The following STK17A variants were observed in gnomAD, a reference collection of about 807,000 sequenced individuals.
The protein encoded by STK17A is serine/threonine kinase 17a.
In STK17A, 26 loss-of-function variants were observed where a neutral mutation model predicts 43.7. The ratio of observed to expected loss-of-function variants is 0.60; its 90% CI spans 0.44 to 0.83. The LOEUF (loss-of-function observed/expected upper bound fraction) is 0.83. STK17A is among the 40% of genes least tolerant of loss of function. The pLI, the probability that STK17A is intolerant of heterozygous loss-of-function variation, is 0.00. For synonymous variants in STK17A, 191 were observed against 182.5 expected (o/e 1.05, Z -0.38); for missense variants, 476 against 511.6 (o/e 0.93, Z 0.67).
chr7:43,607,214 T>G (rs1027484481), intron 2 of STK17A, among the ~76,000 whole-genome samples: 3 of 152,046 alleles, frequency 2.0e-5, no homozygotes, highest in African/African-American at 7.2e-5. Context: ...TGAGCCACTG[T>G]GCCCAGCCTC....
chr7:43,621,240 G>T (rs1283281366), intron 4 of STK17A, among the ~76,000 whole-genome samples: 1 of 152,124 alleles, frequency 6.6e-6, no homozygotes, highest in Non-Finnish European at 1.5e-5. Flanking sequence ...ATTTTAATGG[G>T]CCAGAATACT....
chr7:43,598,846 C>G (rs920497878), intron 2 of STK17A, among the ~76,000 whole-genome samples: 5 of 151,440 alleles, frequency 3.3e-5, no homozygotes, highest in African/African-American at 1.2e-4. Context: ...TCACCGCAAC[C>G]TCTGCCTCCC....
At chr7:43,592,261 T>C (rs762471102) in intron 1 of STK17A, among the ~76,000 whole-genome samples, 2 of 151,574 alleles carry the variant, frequency 1.3e-5, no homozygotes, top group Non-Finnish European at 3.0e-5. Flanking sequence ...AAGGTATTAA[T>C]TACTCTTTGA....
At chr7:43,600,246 A>G (rs565836011) in intron 2 of STK17A, among the ~76,000 whole-genome samples, 1 of 152,284 alleles carries the variant, frequency 6.6e-6, no homozygotes, top group African/African-American at 2.4e-5. Context: ...AGATGCACCT[A>G]CCATGATGCA....
At chr7:43,591,761 T>A (rs927410453) in intron 1 of STK17A, among the ~76,000 whole-genome samples, 1 of 151,498 alleles carries the variant, frequency 6.6e-6, no homozygotes, top group Non-Finnish European at 1.5e-5. Flanking sequence ...GCAATGTGTG[T>A]GAGTCCGTGT....
intron 3 of STK17A, among the ~76,000 whole-genome samples, chr7:43,610,346 CAAA>C (rs138859141): frequency 0.23 from 8,878 of 39,088 alleles, 135 homozygotes; most frequent in Non-Finnish European, 0.3. Context: ...GACTCCGTCT[CAAA>C]AAAAAAAAAA....
intron 1 of STK17A, among the ~76,000 whole-genome samples, chr7:43,588,548 G>A (rs968230009): frequency 1.5e-4 from 23 of 151,446 alleles, no homozygotes; most frequent in Non-Finnish European, 4.4e-5. Context: ...TTTCCTGAAT[G>A]GAACTTCTTT....
intron 4 of STK17A, among the ~76,000 whole-genome samples, chr7:43,621,070 A>C (rs2083839122): frequency 6.6e-6 from 1 of 152,214 alleles, no homozygotes; most frequent in Non-Finnish European, 1.5e-5. Context: ...AGCTATCCGG[A>C]GCACAGAAAG....
chr7:43,608,596 G>C (rs939134060), intron 3 of STK17A, 196 bp downstream of exon 3: 1 of 500,944 alleles, frequency 2.0e-6, no homozygotes, highest in Non-Finnish European at 3.4e-6. Flanking sequence ...TACATGGAAA[G>C]ATACAAAATA....
chr7:43,589,102 G>A (rs2082462590), intron 1 of STK17A, among the ~76,000 whole-genome samples: 1 of 151,538 alleles, frequency 6.6e-6, no homozygotes, highest in East Asian at 1.9e-4. Flanking sequence ...ATTCAGTGAA[G>A]AGAGAATGGC....
At chr7:43,619,849 C>T (rs2083698220) in intron 4 of STK17A, 126 bp downstream of exon 4, 1 of 1,271,726 alleles carries the variant, frequency 7.9e-7, no homozygotes, top group Non-Finnish European at 1.1e-6. Flanking sequence ...CATCAGAGAT[C>T]TATTCCTTTG....
At chr7:43,597,180 A>G (rs2082522011) in intron 2 of STK17A, among the ~76,000 whole-genome samples, 1 of 152,180 alleles carries the variant, frequency 6.6e-6, no homozygotes, top group African/African-American at 2.4e-5. Flanking sequence ...CCCAGTTTAC[A>G]AAGGGTTTGG....
intron 2 of STK17A, 91 bp downstream of exon 2, chr7:43,596,204 G>C: frequency 1.7e-6 from 2 of 1,191,246 alleles, no homozygotes; most frequent in Non-Finnish European, 2.3e-6. Context: ...TGCCAGGCCT[G>C]GTTCTCTGGA....
At chr7:43,591,124 A>G (rs2082475974) in intron 1 of STK17A, among the ~76,000 whole-genome samples, 1 of 151,526 alleles carries the variant, frequency 6.6e-6, no homozygotes, top group Non-Finnish European at 1.5e-5. Flanking sequence ...ACCTGCTGTC[A>G]TAATGTCAGT....
intron 3 of STK17A, among the ~76,000 whole-genome samples, chr7:43,610,189 A>G (rs1243021715): frequency 6.6e-6 from 1 of 151,980 alleles, no homozygotes; most frequent in Non-Finnish European, 1.5e-5. Context: ...TAGTAAAAAT[A>G]CAAAAAAATT....
chr7:43,614,105 AC>A (rs2083124484), intron 3 of STK17A, among the ~76,000 whole-genome samples: 1 of 152,192 alleles, frequency 6.6e-6, no homozygotes, highest in African/African-American at 2.4e-5. Context: ...CCTGCCCATG[AC>A]ACCCTAAGCC....
At chr7:43,621,197 A>G (rs2083850366) in intron 4 of STK17A, among the ~76,000 whole-genome samples, 1 of 152,254 alleles carries the variant, frequency 6.6e-6, no homozygotes, top group African/African-American at 2.4e-5. Context: ...AAGATGCCAC[A>G]GGCACAGAAA....
chr7:43,616,537 CG>C (rs1237964069), intron 3 of STK17A, among the ~76,000 whole-genome samples: 1 of 152,102 alleles, frequency 6.6e-6, no homozygotes, highest in Non-Finnish European at 1.5e-5. Context: ...GATAAACCTA[CG>C]GGCATTTTCA....
chr7:43,590,758 T>C (rs1241333496), intron 1 of STK17A, among the ~76,000 whole-genome samples: 1 of 151,360 alleles, frequency 6.6e-6, no homozygotes, highest in African/African-American at 2.4e-5. Flanking sequence ...TGGCCCATAA[T>C]GTCAGGGAAA....
Sources: allele counts gnomAD v4.1 joint callset (sites outside exome capture counted in the v4.1 genomes callset), GRCh38; gene constraint gnomAD v4.1.1; transcripts MANE v1.5; gene names NCBI Gene and HGNC (gene_info 2026-07-23, HGNC 2026-07-21).